FGFR1OP2: variants seen among roughly 807,000 people sequenced by gnomAD.
FGFR1OP2 encodes fibroblast growth factor receptor 1 oncogene partner 2.
Under a neutral mutation model 35.2 loss-of-function variants are expected in FGFR1OP2, and 17 were observed. That is an observed-to-expected ratio of 0.48 (90% CI 0.33 to 0.73). The LOEUF (loss-of-function observed/expected upper bound fraction) is 0.73, where lower values mean the gene tolerates loss of function less well. FGFR1OP2 is among the 30% of genes least tolerant of loss of function. The pLI, the probability that FGFR1OP2 is intolerant of heterozygous loss-of-function variation, is 0.02. For synonymous variants in FGFR1OP2, 105 were observed against 104.6 expected, an observed-to-expected ratio of 1.00 and a Z score of -0.03; for missense variants, 251 against 307.3, an observed-to-expected ratio of 0.82 and a Z score of 1.37.
At chr12:26,943,204 A>G (rs546155141) in intron 1 of FGFR1OP2, among the ~76,000 whole-genome samples, 2 of 152,218 alleles carry the variant, frequency 1.3e-5, no homozygotes, top group South Asian at 2.1e-4. Flanking sequence ...AAAAAAGCCA[A>G]CCTTTCTCCT....
chr12:26,957,561 T>A (rs751881356), intron 3 of FGFR1OP2, 40 bp from the exon 4 acceptor site: 13 of 1,567,036 alleles, frequency 8.3e-6, no homozygotes, highest in African/African-American at 1.4e-5. Context: ...TGTGTACTTT[T>A]AACTCAAGTT....
chr12:26,939,285 C>T (rs923933893), intron 1 of FGFR1OP2, among the ~76,000 whole-genome samples: 1 of 152,008 alleles, frequency 6.6e-6, no homozygotes, highest in Non-Finnish European at 1.5e-5. Context: ...GCCCCCCGCC[C>T]TCCACTGGTT....
intron 6 of FGFR1OP2, 25 bp downstream of exon 6, chr12:26,963,480 A>T (rs1939132960): frequency 1.4e-6 from 2 of 1,446,806 alleles, no homozygotes; most frequent in African/African-American, 2.8e-5. Context: ...GCAAATGTAG[A>T]TGAAAACTGT....
intron 6 of FGFR1OP2, 89 bp downstream of exon 6, chr12:26,963,544 T>C: frequency 1.2e-6 from 1 of 810,680 alleles, no homozygotes. Flanking sequence ...ATATATTTAC[T>C]CTTCTTGGGT....
intron 1 of FGFR1OP2, among the ~76,000 whole-genome samples, chr12:26,946,485 T>G (rs1168473109): frequency 6.6e-6 from 1 of 152,152 alleles, no homozygotes; most frequent in Non-Finnish European, 1.5e-5. Flanking sequence ...TAATTTTTTG[T>G]ATTTTTAGTA....
intron 1 of FGFR1OP2, among the ~76,000 whole-genome samples, chr12:26,939,589 C>T (rs986305257): frequency 6.6e-6 from 1 of 152,214 alleles, no homozygotes. Context: ...TATTTTACCA[C>T]CTGTCAAAAC....
At chr12:26,940,298 T>C (rs1938713236) in intron 1 of FGFR1OP2, among the ~76,000 whole-genome samples, 2 of 152,214 alleles carry the variant, frequency 1.3e-5, no homozygotes, top group Admixed American at 1.3e-4. Flanking sequence ...TTTAAAAAAA[T>C]CCTCCAGTGT....
At chr12:26,945,017 C>T (rs1469016051) in intron 1 of FGFR1OP2, among the ~76,000 whole-genome samples, 2 of 152,084 alleles carry the variant, frequency 1.3e-5, no homozygotes, top group African/African-American at 4.8e-5. Flanking sequence ...TTATTGTGTT[C>T]ACTTATCCTT....
intron 1 of FGFR1OP2, among the ~76,000 whole-genome samples, chr12:26,945,819 C>T (rs1271007202): frequency 6.6e-6 from 1 of 151,180 alleles, no homozygotes; most frequent in Non-Finnish European, 1.5e-5. Context: ...CGAGAATGTG[C>T]CATCGCACTC....
intron 5 of FGFR1OP2, chr12:26,962,573 T>A (rs1168376136): frequency 6.6e-6 from 1 of 152,210 alleles, no homozygotes; most frequent in East Asian, 1.9e-4. Flanking sequence ...CACTAGACTG[T>A]AAGCTTCTTC....
chr12:26,963,078 G>T, intron 5 of FGFR1OP2: 1 of 271,886 alleles, frequency 3.7e-6, no homozygotes, highest in Non-Finnish European at 6.9e-6. Flanking sequence ...TCATTGTGGT[G>T]AGAGGAATGT....
At chr12:26,963,749 T>G (rs1407566517) in intron 6 of FGFR1OP2, among the ~76,000 whole-genome samples, 1 of 152,178 alleles carries the variant, frequency 6.6e-6, no homozygotes, top group African/African-American at 2.4e-5. Context: ...ATTTTGTTTA[T>G]TCTATTAGAG....
At position 26,954,274 on chromosome 12, in the gene FGFR1OP2, GAGT is replaced by G. The variant is rs1938985150; in HGVS notation, c.119_121del (p.Val40del). On this transcript the variant is annotated inframe_deletion, in exon 2 of 7. Transcript: ENST00000229395. ...GAGCAAACCACAGCTCTCAACAAGCGAGTAGAAGCCATGAAACAGGTTTGATTT... is the reference window on the plus strand; with the variant it reads ...GAGCAAACCACAGCTCTCAACAAGCGAGAAGCCATGAAACAGGTTTGATTT... 6.2e-7 allele frequency: 1 copy of G among 1,606,088 alleles called. No individual in the cohort carries two copies. The highest frequency in any genetic ancestry group is 1.3e-5 in the African/African-American group (1 of 74,784).
Position 26,965,819 on chromosome 12 carries a change from AAATGTC to A in FGFR1OP2, c.*1089_*1094del, listed in dbSNP as rs1307374248. ...GTGGATTTGTTTCTGTTGTCTTTTAAAATGTCAAATATATAATATGTAATTTTTTTA... is the reference window on the plus strand; with the variant it reads ...GTGGATTTGTTTCTGTTGTCTTTTAAAAATATATAATATGTAATTTTTTTA... On this transcript the variant is annotated 3_prime_UTR_variant, in exon 7 of 7. Coordinates refer to ENST00000229395, the MANE Select transcript of FGFR1OP2 (RefSeq NM_015633.3). 3.3e-5 allele frequency: 5 copies of A among 151,976 alleles called. No individual in the cohort carries two copies. Among genetic ancestry groups the A allele is most frequent in the Non-Finnish European group, 7.4e-5 (5 of 67,928 alleles). 9.4% of individuals were successfully genotyped at this position (151,976 alleles called of 1,614,324 possible). A position where few individuals can be genotyped will look rare whatever the true frequency, so the allele number is the denominator to read the frequency against.
chr12:26,965,451 G>T lies in FGFR1OP2; in HGVS notation c.*718G>T, dbSNP rs887086547. The T allele has an allele frequency of 6.6e-6, 1 of 152,466 alleles. No homozygotes were observed. The highest frequency in any genetic ancestry group is 2.4e-5 in the African/African-American group (1 of 41,448). 9.4% of individuals were successfully genotyped at this position (152,466 alleles called of 1,614,324 possible). On this transcript the variant is annotated 3_prime_UTR_variant, in exon 7 of 7. Transcript: ENST00000229395. ...ATTTAGTAGGTTAAACTACTCCTTT[G>T]AAAGAATAAGTTTTGGTTCAAAGTC... is the stretch of plus-strand genomic sequence containing the variant.
chr12:26,961,737 T>TA lies in FGFR1OP2; in HGVS notation c.510+1118dup, dbSNP rs917432011. On this transcript the variant is annotated intron_variant, in intron 5 of 6. Transcript: ENST00000229395. ...TGGCCAACAAGAGCGAGACTCTGTC[T>TA]AAAAAAAAAGAAATGCTTGCTTTCT... The TA allele has an allele frequency of 2.4e-4, 37 of 151,642 alleles. No individual in the cohort carries two copies. In the South Asian group the frequency reaches 5.8e-3, roughly 24 times the overall value. 9.4% of individuals were successfully genotyped at this position (151,642 alleles called of 1,614,324 possible).
At chr12:26,951,353 C>G (rs1040670289) in intron 1 of FGFR1OP2, among the ~76,000 whole-genome samples, 91 of 151,688 alleles carry the variant, frequency 6.0e-4, no homozygotes, top group African/African-American at 2.0e-3. Context: ...ATTGAGACAG[C>G]CTGTTGCCCA....
chr12:26,946,472 G>A (rs1011905013), intron 1 of FGFR1OP2, among the ~76,000 whole-genome samples: 7 of 152,110 alleles, frequency 4.6e-5, no homozygotes, highest in African/African-American at 2.4e-5. Context: ...CACCACGCCC[G>A]GTTAATTTTT....
At chr12:26,960,685 A>G in intron 5 of FGFR1OP2, 57 bp downstream of exon 5, 1 of 1,554,000 alleles carries the variant, frequency 6.4e-7, no homozygotes, top group South Asian at 1.2e-5. Context: ...GTCCATTTTA[A>G]AAGTGCTTTT....
Sources: gnomAD v4.1 joint callset for allele counts (sites outside exome capture counted in the v4.1 genomes callset) on GRCh38, gnomAD v4.1.1 for gene constraint, MANE v1.5 for transcripts, NCBI Gene and HGNC (gene_info 2026-07-23, HGNC 2026-07-21) for gene names.